The following TOR1A variants were observed in gnomAD, a reference collection of about 807,000 sequenced individuals.
TOR1A encodes torsin-1A.
TOR1A carries 18 observed loss-of-function variants against 31.4 expected under a neutral mutation model. The ratio of observed to expected loss-of-function variants is 0.57; its 90% CI spans 0.40 to 0.85. The LOEUF is 0.85. TOR1A is among the 40% of genes least tolerant of loss of function. The pLI is 0.00. For missense variants in TOR1A, 375 were observed against 416.4 expected, an observed-to-expected ratio of 0.90 and a Z score of 0.87; for synonymous variants, 168 against 165.9, an observed-to-expected ratio of 1.01 and a Z score of -0.10.
rs1588215006 is a variant in TOR1A at position 129,814,487 on chromosome 9, T to C, written c.749-265A>G. Reference sequence around the variant, plus strand: ...TCCCATACACATCTACTGGGTGTCATCCACCCTCCTATCCATCCCACACAT... The same window carrying C: ...TCCCATACACATCTACTGGGTGTCACCCACCCTCCTATCCATCCCACACAT... On this transcript the variant is annotated intron_variant, in intron 4 of 4. Coordinates refer to ENST00000351698, the MANE Select transcript of TOR1A (RefSeq NM_000113.3). 2.7e-5 allele frequency among the ~76,000 whole-genome samples: 4 copies of C among 150,670 alleles called. No homozygotes were observed. In the East Asian group the frequency reaches 8.0e-4, roughly 30 times the overall value.
At chr9:129,817,838 C>CAAAAAAAAAAA (rs760010551) in intron 4 of TOR1A, among the ~76,000 whole-genome samples, 1 of 45,736 alleles carries the variant, frequency 2.2e-5, no homozygotes, top group African/African-American at 8.5e-5. Flanking sequence ...CAGTCTCTAC[C>CAAAAAAAAAAA]AAAAAAAAAA....
At chr9:129,823,451 T>C in intron 1 of TOR1A, 1 of 279,348 alleles carries the variant, frequency 3.6e-6, no homozygotes, top group Non-Finnish European at 7.0e-6. Context: ...CCGGCCCTCC[T>C]GGGATGTGAC....
intron 4 of TOR1A, among the ~76,000 whole-genome samples, chr9:129,816,247 C>T (rs7871728): frequency 0.99 from 150,766 of 152,222 alleles, 74,671 homozygotes; most frequent in Middle Eastern, 1. Context: ...GCTCACTCCC[C>T]CGGGTCAGCC....
Position 129,818,786 on chromosome 9 carries a change from C to T in TOR1A, c.579G>A (p.Val193=). The T allele has an allele frequency of 6.2e-7, 1 of 1,613,534 alleles. No individual in the cohort carries two copies. Among genetic ancestry groups the T allele is most frequent in the Non-Finnish European group, 8.5e-7 (1 of 1,180,040 alleles). Residue 193 remains valine (V), a synonymous_variant, in exon 3 of 5, where the codon GTG becomes GTA. Coordinates refer to ENST00000351698, the MANE Select transcript of TOR1A (RefSeq NM_000113.3). The part of the protein sequence containing the change: ...IKPFLDYYDL[V]DGVSYQKAMF... ...TGGCTTTCTGGTAGGAGACCCCATC[C>T]ACCAGGTCATAATAGTCGAGGAAAG...
At chr9:129,823,753 C>A (rs1479547548) in intron 1 of TOR1A, among the ~76,000 whole-genome samples, 155 bp downstream of exon 1, 5 of 140,616 alleles carry the variant, frequency 3.6e-5, no homozygotes, top group Non-Finnish European at 6.2e-5. Flanking sequence ...CCAGCCCCAG[C>A]CCCCAGGCCC....
chr9:129,814,080 T>G lies in TOR1A; in HGVS notation c.891A>C (p.Val297=), dbSNP rs371231800. 1 of 1,614,098 alleles carries G rather than the reference T, an allele frequency of 6.2e-7. No homozygotes were observed. Among genetic ancestry groups the G allele is most frequent in the Non-Finnish European group, 8.5e-7 (1 of 1,180,050 alleles). Residue 297 remains valine, a synonymous_variant, in exon 5 of 5, where the codon GTA becomes GTC. Coordinates refer to ENST00000351698, the MANE Select transcript of TOR1A (RefSeq NM_000113.3). ...ATGTCATCTCCTCAGCCACTCTGCTTACAATGTCTTCATCAATTTCATAGC... is the reference window on the plus strand; with the variant it reads ...ATGTCATCTCCTCAGCCACTCTGCTGACAATGTCTTCATCAATTTCATAGC... ...SRGYEIDEDI[V]SRVAEEMTFF...
In TOR1A at chr9:129,813,980, CGTA is replaced by C; in HGVS notation, c.988_990del (p.Tyr330del). The C allele has an allele frequency of 1.2e-6, 2 of 1,614,068 alleles. No homozygotes were observed. The highest frequency in any genetic ancestry group is 2.2e-5 in the South Asian group (2 of 91,078). ...GCTGCCAATCATGACTGTCAATCAT[CGTA>C]GTAATAATCTAACTTGGTGAACACC... is the stretch of plus-strand genomic sequence containing the variant. On this transcript the variant is annotated inframe_deletion, in exon 5 of 5. Transcript: ENST00000351698.
chr9:129,818,927 TA>T lies in TOR1A; in HGVS notation c.445-8del, dbSNP rs754727494. ...TCCACAACTGTAACTGATCCTGAAT[TA>T]AAAGGGGAAAAAGCGAACACAAAGT... On this transcript the variant is annotated splice_polypyrimidine_tract_variant and splice_region_variant and intron_variant, in intron 2 of 4. Coordinates refer to ENST00000351698, the MANE Select transcript of TOR1A (RefSeq NM_000113.3). The T allele has an allele frequency of 1.2e-6, 2 of 1,611,998 alleles. No homozygotes were observed. Among genetic ancestry groups the T allele is most frequent in the Non-Finnish European group, 8.5e-7 (1 of 1,179,962 alleles).
chr9:129,823,807 G>A, intron 1 of TOR1A, 101 bp downstream of exon 1: 1 of 1,350,934 alleles, frequency 7.4e-7, no homozygotes, highest in Admixed American at 2.1e-5. Flanking sequence ...CCATCCCCCG[G>A]CCTCCATCCT....
chr9:129,820,156 C>T (rs2031150635), intron 2 of TOR1A, among the ~76,000 whole-genome samples: 1 of 151,828 alleles, frequency 6.6e-6, no homozygotes, highest in Non-Finnish European at 1.5e-5. Context: ...CAGTCTCGCT[C>T]TGTTACCCAG....
At chr9:129,820,307 A>C (rs1044045920) in intron 2 of TOR1A, among the ~76,000 whole-genome samples, 2 of 151,876 alleles carry the variant, frequency 1.3e-5, no homozygotes, top group Non-Finnish European at 2.9e-5. Flanking sequence ...TTTTTAGTAG[A>C]GATGGGGTTT....
At position 129,813,974 on chromosome 9, in the gene TOR1A, AATC is replaced by A. The variant is rs2030963979; in HGVS notation, c.994_996del (p.Asp332del). On this transcript the variant is annotated inframe_deletion, in exon 5 of 5. Coordinates refer to ENST00000351698, the MANE Select transcript of TOR1A (RefSeq NM_000113.3). ...ACTCCGGCTGCCAATCATGACTGTCAATCATCGTAGTAATAATCTAACTTGGTG... is the reference window on the plus strand; with the variant it reads ...ACTCCGGCTGCCAATCATGACTGTCAATCGTAGTAATAATCTAACTTGGTG... The A allele has an allele frequency of 6.2e-7, 1 of 1,614,024 alleles. No homozygotes were observed. Among genetic ancestry groups the A allele is most frequent in the Admixed American group, 1.7e-5 (1 of 60,030 alleles).
intron 2 of TOR1A, among the ~76,000 whole-genome samples, chr9:129,819,378 G>T (rs2031125098): frequency 6.6e-6 from 1 of 152,184 alleles, no homozygotes; most frequent in Admixed American, 6.5e-5. Context: ...CCAGCACTTT[G>T]GGAGGCTGAG....
intron 4 of TOR1A, among the ~76,000 whole-genome samples, chr9:129,817,533 A>G (rs958166281): frequency 4.6e-5 from 7 of 151,804 alleles, no homozygotes; most frequent in African/African-American, 1.7e-4. Flanking sequence ...CCCCGTTTCT[A>G]CTAAAAATAC....
intron 2 of TOR1A, among the ~76,000 whole-genome samples, chr9:129,821,044 G>A (rs772411400): frequency 3.3e-5 from 5 of 152,198 alleles, no homozygotes; most frequent in Non-Finnish European, 2.9e-5. Context: ...GCTCATACCT[G>A]TAATTTCAGC....
Position 129,819,795 on chromosome 9 carries a change from C to T in TOR1A, c.445-875G>A, listed in dbSNP as rs1005648136. On this transcript the variant is annotated intron_variant, in intron 2 of 4. Coordinates refer to ENST00000351698, the MANE Select transcript of TOR1A (RefSeq NM_000113.3). ...AAAATTAGCCAGGCATAGTGGCAGG[C>T]GCCTGTAATCCCAGGTACTTGGGAG... Among the ~76,000 whole-genome samples the T allele has an allele frequency of 1.1e-4, 16 of 148,672 alleles. No individual in the cohort carries two copies. In the East Asian group the frequency reaches 2.2e-3, roughly 20 times the overall value.
rs541284437 is a variant in TOR1A, at chr9:129,819,562, C to T, written c.445-642G>A. Among the ~76,000 whole-genome samples the T allele has an allele frequency of 6.4e-4, 98 of 151,942 alleles. 1 individual carries two copies. Among genetic ancestry groups the T allele is most frequent in the African/African-American group, 2.1e-3 (88 of 41,438 alleles). ...CCTGAGGTCAGGAGTTCAAGACCAG[C>T]CTGGCCAACATGGTGAAACCTGGTC... On this transcript the variant is annotated intron_variant, in intron 2 of 4. Coordinates refer to ENST00000351698, the MANE Select transcript of TOR1A (RefSeq NM_000113.3).
chr9:129,813,102 T>C lies in TOR1A; in HGVS notation c.*870A>G, dbSNP rs1397706886. On this transcript the variant is annotated 3_prime_UTR_variant, in exon 5 of 5. Coordinates refer to ENST00000351698, the MANE Select transcript of TOR1A (RefSeq NM_000113.3). ...TAGTATAAATGAGGAAGATTTAATATGGCAAAATTCACATAATTTAGAATC... is the reference window on the plus strand; with the variant it reads ...TAGTATAAATGAGGAAGATTTAATACGGCAAAATTCACATAATTTAGAATC... 6.6e-6 allele frequency: 1 copy of C among 152,236 alleles called. No homozygotes were observed. The highest frequency in any genetic ancestry group is 1.5e-5 in the Non-Finnish European group (1 of 68,050). The allele number at this position is 152,236 out of a possible 1,614,324, so 9.4% of individuals were successfully genotyped here. A position where few individuals can be genotyped will look rare whatever the true frequency, so the allele number is the denominator to read the frequency against.
intron 1 of TOR1A, 165 bp downstream of exon 1, chr9:129,823,743 C>T (rs2031250648): frequency 2.5e-6 from 2 of 789,682 alleles, no homozygotes; most frequent in African/African-American, 2.0e-5. Flanking sequence ...GTGCCATCGC[C>T]CAGCCCCAGC....
Sources: allele counts gnomAD v4.1 joint callset (sites outside exome capture counted in the v4.1 genomes callset), GRCh38; gene constraint gnomAD v4.1.1; transcripts MANE v1.5; gene names NCBI Gene and HGNC (gene_info 2026-07-23, HGNC 2026-07-21).